ZNHIT6: variants seen among roughly 807,000 people sequenced by gnomAD.
ZNHIT6 encodes the protein box C/D snoRNA protein 1.
A neutral mutation model predicts 57.2 loss-of-function variants in ZNHIT6; 45 were observed. The observed-to-expected ratio is 0.79, with a 90% CI of 0.62 to 1.01. The LOEUF (loss-of-function observed/expected upper bound fraction) is 1.01, where lower values mean the gene tolerates loss of function less well. Ranked by LOEUF, ZNHIT6 falls within the 50% of genes least tolerant of loss-of-function variation. The probability of loss-of-function intolerance (pLI) is 0.00; values close to 1 mark genes in which losing one functional copy is unlikely to be tolerated. For missense variants in ZNHIT6, 528 were observed against 567.3 expected (o/e 0.93, Z 0.70); for synonymous variants, 188 against 190.0 (o/e 0.99, Z 0.09).
intron 8 of ZNHIT6, among the ~76,000 whole-genome samples, chr1:85,671,761 A>G (rs1661562065): frequency 6.6e-6 from 1 of 152,234 alleles, no homozygotes; most frequent in Non-Finnish European, 1.5e-5. Flanking sequence ...AGATGGGAAA[A>G]CAGGCTTAGT....
intron 4 of ZNHIT6, among the ~76,000 whole-genome samples, chr1:85,705,603 ACCAGACAT>A (rs1475137237): frequency 6.6e-6 from 1 of 152,080 alleles, no homozygotes; most frequent in Non-Finnish European, 1.5e-5. Flanking sequence ...AATTCCTCAA[ACCAGACAT>A]CCTTGTTTCT....
At chr1:85,655,493 A>C (rs941361611) in intron 9 of ZNHIT6, among the ~76,000 whole-genome samples, 12 of 152,234 alleles carry the variant, frequency 7.9e-5, no homozygotes. Flanking sequence ...TTACACTAGA[A>C]CATCAAAAAG....
chr1:85,682,088 A>G (rs904896223), intron 5 of ZNHIT6, among the ~76,000 whole-genome samples: 7 of 144,050 alleles, frequency 4.9e-5, no homozygotes, highest in Non-Finnish European at 9.0e-5. Context: ...ATCTCGGTTC[A>G]CTGCAAGCTC....
At chr1:85,671,466 A>AAT (rs1553156159) in intron 8 of ZNHIT6, among the ~76,000 whole-genome samples, 3 of 149,536 alleles carry the variant, frequency 2.0e-5, no homozygotes, top group Admixed American at 6.7e-5. Context: ...TAAAAAAAAA[A>AAT]TTTTTTTTTT....
intron 8 of ZNHIT6, among the ~76,000 whole-genome samples, chr1:85,665,024 T>C (rs1475645449): frequency 6.6e-6 from 1 of 151,974 alleles, no homozygotes; most frequent in African/African-American, 2.4e-5. Context: ...TAGAGACAGG[T>C]TTCACTATGT....
rs187772678 is a variant in ZNHIT6 at position 85,652,330 on chromosome 1, G to A, written c.*1728C>T. On this transcript the variant is annotated 3_prime_UTR_variant, in exon 10 of 10. Coordinates refer to ENST00000370574, the MANE Select transcript of ZNHIT6 (RefSeq NM_017953.4). ...ATCTATTTCTTGCTGGTTTCAAGAA[G>A]ACACATTTCACTTTTGATTATAAAT... 4 of 152,264 alleles carry A rather than the reference G, an allele frequency of 2.6e-5. No homozygotes were observed. In the East Asian group the frequency reaches 7.7e-4, roughly 29 times the overall value. The allele number at this position is 152,264 out of a possible 1,614,324, so 9.4% of individuals were successfully genotyped here.
chr1:85,706,433 C>CA lies in ZNHIT6; in HGVS notation c.722+8dup. Reference sequence around the variant, plus strand: ...ATACAGGTTAAAAGGTAGGAAGTTACATGTATACCTGCAGGAATATCGCAT... The same window carrying CA: ...ATACAGGTTAAAAGGTAGGAAGTTACAATGTATACCTGCAGGAATATCGCAT... On this transcript the variant is annotated intron_variant, in intron 2 of 9. Transcript: ENST00000370574. The CA allele has an allele frequency of 6.2e-7, 1 of 1,612,860 alleles. No individual in the cohort carries two copies. The highest frequency in any genetic ancestry group is 8.5e-7 in the Non-Finnish European group (1 of 1,179,708).
In ZNHIT6 at chr1:85,706,295, A is replaced by G. The variant is rs1185284634; in HGVS notation, c.783T>C (p.Thr261=). Reference sequence around the variant, plus strand: ...TAAACTGTTGTATTGAAATGTATGCAGTTTTATCTCGAACTCCATTACATG... The same window carrying G: ...TAAACTGTTGTATTGAAATGTATGCGGTTTTATCTCGAACTCCATTACATG... ...ELTCNGVRDK[T]AYISIQQFTE... The change falls in exon 3 of 10, where the codon ACT becomes ACC. Residue 261 remains threonine, a synonymous_variant. Coordinates refer to ENST00000370574, the MANE Select transcript of ZNHIT6 (RefSeq NM_017953.4). 2 of 1,613,068 alleles carry G rather than the reference A, an allele frequency of 1.2e-6. No homozygotes were observed. Among genetic ancestry groups the G allele is most frequent in the Non-Finnish European group, 1.7e-6 (2 of 1,179,388 alleles).
At chr1:85,670,731 C>T (rs1246010377) in intron 8 of ZNHIT6, among the ~76,000 whole-genome samples, 2 of 152,122 alleles carry the variant, frequency 1.3e-5, no homozygotes, top group Non-Finnish European at 2.9e-5. Context: ...GTTGCAGACA[C>T]TGGTAACTAA....
intron 6 of ZNHIT6, 107 bp downstream of exon 6, chr1:85,680,726 ACAC>A (rs1049347270): frequency 5.3e-5 from 39 of 729,262 alleles, no homozygotes; most frequent in Non-Finnish European, 6.5e-5. Context: ...TTGTATAAAT[ACAC>A]CACAATTTAG....
At chr1:85,666,227 G>A (rs1020347844) in intron 8 of ZNHIT6, among the ~76,000 whole-genome samples, 4 of 152,052 alleles carry the variant, frequency 2.6e-5, no homozygotes, top group African/African-American at 4.8e-5. Flanking sequence ...GGTAGAGAGC[G>A]GATATGTTTA....
rs760557667 is a variant in ZNHIT6 at position 85,657,945 on chromosome 1, CT to C, written c.1273del (p.Ser425ValfsTer3). 2 of 1,553,210 alleles carry C rather than the reference CT, an allele frequency of 1.3e-6. No individual in the cohort carries two copies. Among genetic ancestry groups the C allele is most frequent in the Non-Finnish European group, 1.8e-6 (2 of 1,133,806 alleles). ...VRYYELDPYK[S>X]LLDNLRNKVI... ...TTTGTTCCTCAAATTGTCTAGGAGA[CT>C]TTTATAAGGATCTAGTTCATAATAT... On this transcript the variant is annotated frameshift_variant, in exon 9 of 10. Coordinates refer to ENST00000370574, the MANE Select transcript of ZNHIT6 (RefSeq NM_017953.4). LOFTEE classifies it high-confidence loss of function.
At chr1:85,667,961 A>AAAAAAAAAAAATATGTATATATAT in intron 8 of ZNHIT6, among the ~76,000 whole-genome samples, 1 of 18,200 alleles carries the variant, frequency 5.5e-5, no homozygotes, top group African/African-American at 2.1e-4. Context: ...AAAAAAAAAA[A>AAAAAAAAAAAATATGTATATATAT]ATATATATAT....
Position 85,708,151 on chromosome 1 carries a change from C to A in ZNHIT6, c.134G>T (p.Gly45Val). Residue 45 changes from glycine (G) to valine (V), a missense_variant, in exon 1 of 10, where the codon GGA becomes GTA. Physicochemically the swap from Gly to Val is moderately radical, Grantham distance 109. Transcript: ENST00000370574. Reference sequence around the variant, plus strand: ...CCCTGTCAGCCCTGTCCCCTCCTCTCCGCCGCCGAACTCCTCCGCCCCTGC... The same window carrying A: ...CCCTGTCAGCCCTGTCCCCTCCTCTACGCCGCCGAACTCCTCCGCCCCTGC... ...DLAGAEEFGG[G>V]EEGTGLTGIK... 6.2e-7 allele frequency: 1 copy of A among 1,614,192 alleles called. No homozygotes were observed. Among genetic ancestry groups the A allele is most frequent in the South Asian group, 1.1e-5 (1 of 91,088 alleles).
chr1:85,661,246 C>G (rs892479765), intron 8 of ZNHIT6, among the ~76,000 whole-genome samples: 3 of 152,132 alleles, frequency 2.0e-5, no homozygotes, highest in African/African-American at 7.2e-5. Flanking sequence ...GAGTTTAACG[C>G]TGAGTTAAAG....
intron 4 of ZNHIT6, 111 bp downstream of exon 4, chr1:85,705,967 A>T: frequency 1.1e-6 from 1 of 881,210 alleles, no homozygotes. Context: ...AGTAATCAGA[A>T]TAGCTCTACA....
chr1:85,700,629 C>A (rs1244077318), intron 5 of ZNHIT6, among the ~76,000 whole-genome samples: 1 of 152,138 alleles, frequency 6.6e-6, no homozygotes, highest in African/African-American at 2.4e-5. Flanking sequence ...TCTCTGATTA[C>A]AATCATTCTG....
chr1:85,664,734 C>G (rs1375701167), intron 8 of ZNHIT6, among the ~76,000 whole-genome samples: 1 of 151,812 alleles, frequency 6.6e-6, no homozygotes, highest in East Asian at 1.9e-4. Context: ...ATGATTTTAC[C>G]CATATTACAA....
intron 5 of ZNHIT6, among the ~76,000 whole-genome samples, chr1:85,701,293 C>T (rs576397476): frequency 1.3e-5 from 2 of 152,294 alleles, no homozygotes; most frequent in East Asian, 3.9e-4. Context: ...CCACATCATA[C>T]AACTGGGGCC....
Sources: gnomAD v4.1 joint callset for allele counts (sites outside exome capture counted in the v4.1 genomes callset) on GRCh38, gnomAD v4.1.1 for gene constraint, MANE v1.5 for transcripts, NCBI Gene and HGNC (gene_info 2026-07-23, HGNC 2026-07-21) for gene names.